Variants in ZNF135 observed in about 807,000 individuals in gnomAD.
The protein encoded by ZNF135 is zinc finger protein 135 (clone pHZ-17).
In ZNF135, 11 loss-of-function variants were observed where a neutral mutation model predicts 12.3. The observed-to-expected ratio is 0.89, with a 90% confidence interval of 0.56 to 1.48. ZNF135 has a LOEUF of 1.48. ZNF135 is among the 40% of genes most tolerant of loss of function. The pLI is 0.00. For missense variants in ZNF135, 722 were observed against 815.7 expected (o/e 0.89, Z 1.40); for synonymous variants, 316 against 312.0 (o/e 1.01, Z -0.14).
In ZNF135 at chr19:58,063,605, C is replaced by G. The variant is rs780298550; in HGVS notation, c.256+64C>G. 4 of 1,604,324 alleles carry G rather than the reference C, an allele frequency of 2.5e-6. No homozygotes were observed. Among genetic ancestry groups the G allele is most frequent in the Non-Finnish European group, 3.4e-6 (4 of 1,175,002 alleles). On this transcript the variant is annotated intron_variant, in intron 4 of 4. Transcript: ENST00000313434. This position sits in a 1 kb window ranked among gnomAD's most constrained non-coding sequence, Gnocchi z 4.4. Reference sequence around the variant, plus strand: ...CATGCTTGCTTCCTGGTTTCTCCCTCTGCATCTGCTCTCTAATTCTTCAGA... The same window carrying G: ...CATGCTTGCTTCCTGGTTTCTCCCTGTGCATCTGCTCTCTAATTCTTCAGA...
In ZNF135 at chr19:58,063,377, G is replaced by C; in HGVS notation, c.161-69G>C. 1 of 1,599,340 alleles carries C rather than the reference G, an allele frequency of 6.3e-7. No individual in the cohort carries two copies. The highest frequency in any genetic ancestry group is 8.5e-7 in the Non-Finnish European group (1 of 1,171,902). ...ATCTGGGACCTGGAAGACCAAAGGT[G>C]GAATGGGCTGAGGCTCAGGAAGGGT... On this transcript the variant is annotated intron_variant, in intron 3 of 4. Transcript: ENST00000313434. This position sits in a 1 kb window ranked among gnomAD's most constrained non-coding sequence, Gnocchi z 4.4.
chr19:58,059,332 G>T lies in ZNF135; in HGVS notation c.-35+22G>T, dbSNP rs756552892. On this transcript the variant is annotated intron_variant, in intron 1 of 4. Coordinates refer to ENST00000313434, the MANE Select transcript of ZNF135 (RefSeq NM_001289401.2). The surrounding 1 kb of genome is among the most constrained non-coding windows in gnomAD (Gnocchi z 6.5). ...GAGGGTGAGCTAGGCCGGCGAGGAG[G>T]GGGAGGGGAGGCCAGGCCGGGCCGG... The T allele has an allele frequency of 2.0e-5, 31 of 1,521,828 alleles. No individual in the cohort carries two copies. In the East Asian group the frequency reaches 3.3e-4, roughly 16 times the overall value. The allele number at this position is 1,521,828 out of a possible 1,614,324, so 94.3% of individuals were successfully genotyped here. A position where few individuals can be genotyped will look rare whatever the true frequency, so the allele number is the denominator to read the frequency against.
rs2145930613 is a variant in ZNF135 at position 58,064,392 on chromosome 19, C to T, written c.256+851C>T. On this transcript the variant is annotated intron_variant, in intron 4 of 4. Transcript: ENST00000313434. ...TGGATTTTCTTCTGCCTGAGCCACC[C>T]CTGAGACAGCAAGACCAACCCCTCC... Among the ~76,000 whole-genome samples the T allele has an allele frequency of 1.3e-5, 2 of 152,232 alleles. 1 individual carries two copies. The highest frequency in any genetic ancestry group is 4.2e-4 in the South Asian group (2 of 4,814).
intron 3 of ZNF135, among the ~76,000 whole-genome samples, chr19:58,062,380 G>A (rs140592503): frequency 4.0e-5 from 6 of 150,510 alleles, no homozygotes; most frequent in African/African-American, 1.2e-4. Flanking sequence ...TTATTTATTT[G>A]TTTTTAAATT....
chr19:58,066,304 G>A (rs56395112), intron 4 of ZNF135, among the ~76,000 whole-genome samples: 54,948 of 151,982 alleles, frequency 0.36, 10,245 homozygotes, highest in Admixed American at 0.44. Context: ...CATGCAGCAC[G>A]TTTTTCTCTG....
Position 58,067,829 on chromosome 19 carries a change from C to T in ZNF135, c.1345C>T (p.His449Tyr). The T allele has an allele frequency of 6.2e-7, 1 of 1,613,428 alleles. No individual in the cohort carries two copies. Among genetic ancestry groups the T allele is most frequent in the Non-Finnish European group, 8.5e-7 (1 of 1,179,836 alleles). Residue 449 changes from histidine to tyrosine, a missense_variant, in exon 5 of 5, where the codon CAC becomes TAC. His to Tyr is a moderately conservative substitution (Grantham distance 83). Coordinates refer to ENST00000313434, the MANE Select transcript of ZNF135 (RefSeq NM_001289401.2). ...CAACGAGTGTGGGAAAACCTTCAGC[C>T]ACAGCTCCTCACTCAGCCAGCATGA... ...GCNECGKTFS[H>Y]SSSLSQHERT...
In ZNF135 at chr19:58,059,372, G is replaced by T. The variant is rs2073925655; in HGVS notation, c.-35+62G>T. 4 of 820,252 alleles carry T rather than the reference G, an allele frequency of 4.9e-6. No individual in the cohort carries two copies. Among genetic ancestry groups the T allele is most frequent in the African/African-American group, 3.6e-5 (2 of 55,952 alleles). The allele number at this position is 820,252 out of a possible 1,614,324, so 50.8% of individuals were successfully genotyped here. A position where few individuals can be genotyped will look rare whatever the true frequency, so the allele number is the denominator to read the frequency against. ...GGCCGGGCCGGGCCGGGCCGGGTGC[G>T]GGGGGTCCGGGGATCTTCCTGAGGC... On this transcript the variant is annotated intron_variant, in intron 1 of 4. Coordinates refer to ENST00000313434, the MANE Select transcript of ZNF135 (RefSeq NM_001289401.2). The surrounding 1 kb of genome is among the most constrained non-coding windows in gnomAD (Gnocchi z 6.5).
Position 58,068,613 on chromosome 19 carries a change from C to G in ZNF135, c.*152C>G. ...CTCAGACACCCTCAGAGAGTTCACA[C>G]TGATGGGAAATGACCATGGGACCAC... is the stretch of plus-strand genomic sequence containing the variant. On this transcript the variant is annotated 3_prime_UTR_variant, in exon 5 of 5. Coordinates refer to ENST00000313434, the MANE Select transcript of ZNF135 (RefSeq NM_001289401.2). 1.2e-6 allele frequency: 1 copy of G among 836,468 alleles called. No homozygotes were observed. The highest frequency in any genetic ancestry group is 1.8e-6 in the Non-Finnish European group (1 of 554,120). The allele number at this position is 836,468 out of a possible 1,614,324, so 51.8% of individuals were successfully genotyped here. A position where few individuals can be genotyped will look rare whatever the true frequency, so the allele number is the denominator to read the frequency against.
intron 2 of ZNF135, among the ~76,000 whole-genome samples, chr19:58,061,292 G>A (rs1034912339): frequency 6.6e-6 from 1 of 152,166 alleles, no homozygotes; most frequent in Admixed American, 6.5e-5. Context: ...AAGCAGCTGG[G>A]ACCACGGGCA....
In ZNF135 at chr19:58,065,383, A is replaced by G. The variant is rs562113867; in HGVS notation, c.257-1358A>G. ...TAATTTTTTTTTATTTTTTGTAGAAACAAGGTCTCATCATTTTGCCCAGGC... is the reference window on the plus strand; with the variant it reads ...TAATTTTTTTTTATTTTTTGTAGAAGCAAGGTCTCATCATTTTGCCCAGGC... On this transcript the variant is annotated intron_variant, in intron 4 of 4. Coordinates refer to ENST00000313434, the MANE Select transcript of ZNF135 (RefSeq NM_001289401.2). This position sits in a 1 kb window ranked among gnomAD's most constrained non-coding sequence, Gnocchi z 4.0. 7.9e-5 allele frequency among the ~76,000 whole-genome samples: 12 copies of G among 152,180 alleles called. No homozygotes were observed. In the South Asian group the frequency reaches 2.3e-3, roughly 29 times the overall value.
Position 58,067,236 on chromosome 19 carries a change from T to C in ZNF135, c.752T>C (p.Phe251Ser), listed in dbSNP as rs1222321690. 1 of 1,613,966 alleles carries C rather than the reference T, an allele frequency of 6.2e-7. No individual in the cohort carries two copies. Among genetic ancestry groups the C allele is most frequent in the Non-Finnish European group, 8.5e-7 (1 of 1,180,000 alleles). ...GAATGTCACGAATGCTTAAAAGGCT[T>C]CCGGAACAGCTCGGCACTTACCAAA... The part of the protein sequence containing the change: ...PYECHECLKG[F>S]RNSSALTKHQ... The change falls in exon 5 of 5, where the codon TTC becomes TCC. Residue 251 changes from phenylalanine to serine, a missense_variant. Coordinates refer to ENST00000313434, the MANE Select transcript of ZNF135 (RefSeq NM_001289401.2).
rs575909673 is a variant in ZNF135, at chr19:58,060,825, T to TA, written c.34-749dup. 6.3e-3 allele frequency among the ~76,000 whole-genome samples: 948 copies of TA among 151,460 alleles called. 7 individuals carry two copies. The highest frequency in any genetic ancestry group is 0.021 in the African/African-American group (850 of 41,206). ...CAGTGGAACCCTGTCTCTAAAAAAT[T>TA]AAAAAACAAACCCAGATTTGGCCGG... is the stretch of plus-strand genomic sequence containing the variant. On this transcript the variant is annotated intron_variant, in intron 2 of 4. Coordinates refer to ENST00000313434, the MANE Select transcript of ZNF135 (RefSeq NM_001289401.2). This position sits in a 1 kb window ranked among gnomAD's most constrained non-coding sequence, Gnocchi z 4.9.
Position 58,059,371 on chromosome 19 carries a change from C to CG in ZNF135, c.-35+67dup. On this transcript the variant is annotated intron_variant, in intron 1 of 4. Transcript: ENST00000313434. The surrounding 1 kb of genome is among the most constrained non-coding windows in gnomAD (Gnocchi z 6.5). ...AGGCCGGGCCGGGCCGGGCCGGGTGCGGGGGGTCCGGGGATCTTCCTGAGG... is the reference window on the plus strand; with the variant it reads ...AGGCCGGGCCGGGCCGGGCCGGGTGCGGGGGGGTCCGGGGATCTTCCTGAGG... 4.3e-6 allele frequency: 1 copy of CG among 231,366 alleles called. No individual in the cohort carries two copies. Among genetic ancestry groups the CG allele is most frequent in the Non-Finnish European group, 6.8e-6 (1 of 147,406 alleles). The allele number at this position is 231,366 out of a possible 1,614,324, so 14.3% of individuals were successfully genotyped here. A position where few individuals can be genotyped will look rare whatever the true frequency, so the allele number is the denominator to read the frequency against.
In ZNF135 at chr19:58,068,182, C is replaced by G. The variant is rs373032655; in HGVS notation, c.1698C>G (p.Ile566Met). ...CCTTCAGCCAGAGCTCCCTTCTCAT[C>G]GAACACCAGAGGATTCACACCAAGG... ...GRAFSQSSLLIEHQRIHTKEK... is the reference protein window; with the variant it reads ...GRAFSQSSLLMEHQRIHTKEK... The change falls in exon 5 of 5, where the codon ATC becomes ATG. Residue 566 changes from isoleucine (I) to methionine (M), a missense_variant. Transcript: ENST00000313434. 1 of 1,613,760 alleles carries G rather than the reference C, an allele frequency of 6.2e-7. No individual in the cohort carries two copies. Among genetic ancestry groups the G allele is most frequent in the Non-Finnish European group, 8.5e-7 (1 of 1,179,996 alleles).
chr19:58,060,135 A>G lies in ZNF135; in HGVS notation c.33+100A>G. 4 of 1,572,314 alleles carry G rather than the reference A, an allele frequency of 2.5e-6. No individual in the cohort carries two copies. The highest frequency in any genetic ancestry group is 2.3e-5 in the South Asian group (2 of 88,472). ...GGCCTCCTCTTTGCACCCCGTCCCTACTCGCGCTCAGCCTCCTCCTTGTGC... is the reference window on the plus strand; with the variant it reads ...GGCCTCCTCTTTGCACCCCGTCCCTGCTCGCGCTCAGCCTCCTCCTTGTGC... On this transcript the variant is annotated intron_variant, in intron 2 of 4. Coordinates refer to ENST00000313434, the MANE Select transcript of ZNF135 (RefSeq NM_001289401.2). The surrounding 1 kb of genome is among the most constrained non-coding windows in gnomAD (Gnocchi z 4.9).
Position 58,068,181 on chromosome 19 carries a change from T to G in ZNF135, c.1697T>G (p.Ile566Ser), listed in dbSNP as rs2074111185. 1 of 1,612,216 alleles carries G rather than the reference T, an allele frequency of 6.2e-7. No individual in the cohort carries two copies. The highest frequency in any genetic ancestry group is 1.3e-5 in the African/African-American group (1 of 74,156). The stretch of plus-strand genomic sequence containing the variant: ...GCCTTCAGCCAGAGCTCCCTTCTCA[T>G]CGAACACCAGAGGATTCACACCAAG... ...GRAFSQSSLL[I>S]EHQRIHTKEK... Residue 566 changes from isoleucine (I) to serine (S), a missense_variant, in exon 5 of 5, where the codon ATC becomes AGC. By Grantham distance (142) the Ile-to-Ser change is moderately radical. Coordinates refer to ENST00000313434, the MANE Select transcript of ZNF135 (RefSeq NM_001289401.2).
In ZNF135 at chr19:58,067,335, C is replaced by A. The variant is rs142143078; in HGVS notation, c.851C>A (p.Pro284Gln). 6.2e-7 allele frequency: 1 copy of A among 1,614,000 alleles called. No homozygotes were observed. Among genetic ancestry groups the A allele is most frequent in the Non-Finnish European group, 8.5e-7 (1 of 1,179,884 alleles). ...GGGAGGACCTTCAACCAAATTGCCC[C>A]ACTGATCCAGCACCAGAGAACTCAC... ...QCGRTFNQIAPLIQHQRTHTG... is the reference protein window; with the variant it reads ...QCGRTFNQIAQLIQHQRTHTG... The change falls in exon 5 of 5, where the codon CCA (proline) becomes CAA (glutamine). Residue 284 changes from proline to glutamine, a missense_variant. Coordinates refer to ENST00000313434, the MANE Select transcript of ZNF135 (RefSeq NM_001289401.2).
In ZNF135 at chr19:58,063,458, C is replaced by G; in HGVS notation, c.173C>G (p.Pro58Arg). The change falls in exon 4 of 5, where the codon CCG (proline) becomes CGG (arginine). Residue 58 changes from proline (P) to arginine (R), a missense_variant. Physicochemically the swap from Pro to Arg is moderately radical, Grantham distance 103 (BLOSUM62 -2). Transcript: ENST00000313434. This position sits in a 1 kb window ranked among gnomAD's most constrained non-coding sequence, Gnocchi z 4.4. ...RLLVSVGHWL[P>R]KPNVISLLEQ... is the part of the protein sequence containing the mutation. ...TCTCCCTGAGCAGGACATTGGTTAC[C>G]GAAGCCGAATGTCATCTCCCTGCTG... 2 of 1,614,020 alleles carry G rather than the reference C, an allele frequency of 1.2e-6. No individual in the cohort carries two copies. The highest frequency in any genetic ancestry group is 8.5e-7 in the Non-Finnish European group (1 of 1,179,964).
chr19:58,060,215 ACTGGCCTCTACTCGCGCAC>A lies in ZNF135; in HGVS notation c.33+193_33+211del, dbSNP rs902362698. On this transcript the variant is annotated intron_variant, in intron 2 of 4. Transcript: ENST00000313434. This position sits in a 1 kb window ranked among gnomAD's most constrained non-coding sequence, Gnocchi z 4.9. The stretch of plus-strand genomic sequence containing the variant: ...CTCGTGCCCGGCCTCTACTCGCACA[ACTGGCCTCTACTCGCGCAC>A]CTGGCCTCTACTGGTGCCCGGCCTC... 2.1e-5 allele frequency: 30 copies of A among 1,441,998 alleles called. No homozygotes were observed. Among genetic ancestry groups the A allele is most frequent in the African/African-American group, 1.0e-4 (7 of 69,910 alleles). The allele number at this position is 1,441,998 out of a possible 1,614,324, so 89.3% of individuals were successfully genotyped here.
Sources: allele counts gnomAD v4.1 joint callset (sites outside exome capture counted in the v4.1 genomes callset), GRCh38; gene constraint gnomAD v4.1.1; non-coding constraint Gnocchi (gnomAD v3.1); transcripts MANE v1.5; gene names NCBI Gene and HGNC (gene_info 2026-07-23, HGNC 2026-07-21).